TRRAP: variants seen among roughly 807,000 people sequenced by gnomAD.
TRRAP encodes transformation/transcription domain-associated protein.
A neutral mutation model predicts 438.8 loss-of-function variants in TRRAP; 41 were observed. The ratio of observed to expected loss-of-function variants is 0.09; its 90% CI spans 0.07 to 0.12. The LOEUF (loss-of-function observed/expected upper bound fraction) is 0.12, where lower values mean the gene tolerates loss of function less well. Among genes scored for constraint, TRRAP ranks in the 10% least tolerant of loss-of-function variants. The pLI is 1.00. For synonymous variants in TRRAP, 1,994 were observed against 1,962.9 expected (o/e 1.02, Z -0.42); for missense variants, 3,122 against 5,055.1 (o/e 0.62, Z 11.60).
intron 27 of TRRAP, among the ~76,000 whole-genome samples, chr7:98,935,018 G>A (rs141311658): frequency 1.3e-3 from 201 of 152,208 alleles, no homozygotes; most frequent in African/African-American, 4.2e-3. Context: ...GATAGAGCAC[G>A]ATATCTGTTA....
At chr7:99,008,034 C>T (rs1224785441) in intron 69 of TRRAP, among the ~76,000 whole-genome samples, 1 of 151,884 alleles carries the variant, frequency 6.6e-6, no homozygotes, top group Admixed American at 6.6e-5. Flanking sequence ...CCATGTTGAC[C>T]AGGATGGTCT....
At chr7:98,963,477 T>A (rs1164884785) in intron 47 of TRRAP, among the ~76,000 whole-genome samples, 1 of 152,124 alleles carries the variant, frequency 6.6e-6, no homozygotes, top group Non-Finnish European at 1.5e-5. Context: ...CCCTCCTCTG[T>A]GGGGTGTCGA....
chr7:99,007,787 T>G (rs1794249224), intron 69 of TRRAP, among the ~76,000 whole-genome samples: 1 of 151,976 alleles, frequency 6.6e-6, no homozygotes, highest in Admixed American at 6.6e-5. Flanking sequence ...TAGCTGGGAC[T>G]ATAGGCTATC....
At chr7:99,009,370 G>A (rs534592282) in intron 70 of TRRAP, among the ~76,000 whole-genome samples, 1 of 151,904 alleles carries the variant, frequency 6.6e-6, no homozygotes, top group Admixed American at 6.6e-5. Flanking sequence ...GGCTCCTGGA[G>A]GACTTAGTTT....
Position 98,984,964 on chromosome 7 carries a change from T to C in TRRAP, c.9309T>C (p.Ser3103=), listed in dbSNP as rs748049648. ...AACAGGGCCTTGAAGTTATTGAATC[T>C]ACAAATTTAAAATACTTCACAAAAG... ...ECMQGLEVIE[S]TNLKYFTKEM... The change falls in exon 62 of 73, where the codon TCT becomes TCC. Residue 3103 remains serine, a synonymous_variant. Coordinates refer to ENST00000456197, the MANE Select transcript of TRRAP (RefSeq NM_001375524.1). 3.7e-6 allele frequency: 6 copies of C among 1,612,572 alleles called. No individual in the cohort carries two copies. The South Asian group carries it at 6.6e-5, about 18-fold the overall frequency.
chr7:98,896,917 A>C (rs1393474520), intron 7 of TRRAP, among the ~76,000 whole-genome samples: 1 of 149,868 alleles, frequency 6.7e-6, no homozygotes, highest in Non-Finnish European at 1.5e-5. Context: ...GAAGGTTGGC[A>C]GTGAGGTCCT....
At chr7:98,929,755 G>A (rs1373047435) in intron 23 of TRRAP, among the ~76,000 whole-genome samples, 2 of 151,972 alleles carry the variant, frequency 1.3e-5, no homozygotes, top group Non-Finnish European at 2.9e-5. Flanking sequence ...CACCATGCCT[G>A]GCTAATTTTT....
chr7:98,935,703 A>T, intron 28 of TRRAP, 28 bp downstream of exon 28: 1 of 1,564,052 alleles, frequency 6.4e-7, no homozygotes. Context: ...TACGGGGTAT[A>T]AAAGTGAAAG....
At chr7:98,951,477 T>C (rs782705693) in intron 39 of TRRAP, among the ~76,000 whole-genome samples, 1 of 152,126 alleles carries the variant, frequency 6.6e-6, no homozygotes. Flanking sequence ...TGAAATGAGC[T>C]CGGTTTTAAT....
At chr7:99,002,042 G>A (rs139149497) in intron 67 of TRRAP, among the ~76,000 whole-genome samples, 110 of 150,470 alleles carry the variant, frequency 7.3e-4, no homozygotes, top group African/African-American at 2.6e-3. Context: ...GTGTACTGAG[G>A]GATTCTTAAT....
intron 70 of TRRAP, 51 bp downstream of exon 70, chr7:99,008,612 T>C (rs1794298343): frequency 6.3e-7 from 1 of 1,591,024 alleles, no homozygotes. Context: ...AGCCCTCCTG[T>C]GTGGGGCAGT....
chr7:98,984,117 G>T lies in TRRAP; in HGVS notation c.9047G>T (p.Ser3016Ile), dbSNP rs1338911451. The change falls in exon 61 of 73, where the codon AGC (serine) becomes ATC (isoleucine). Residue 3016 changes from serine (S) to isoleucine (I), a missense_variant. Around this residue, in one of 24 missense-constraint regions of TRRAP, gnomAD observed 129 missense variants for 279.2 expected, o/e 0.46. Coordinates refer to ENST00000456197, the MANE Select transcript of TRRAP (RefSeq NM_001375524.1). ...GCGATTGTAACTGCCTATGAGAATA[G>T]CTCTCAGCATGATCCCAGTTCAAAT... Reference protein sequence around the residue: ...YQAIVTAYENSSQHDPSSNNA... With the variant: ...YQAIVTAYENISQHDPSSNNA... 2 of 1,611,866 alleles carry T rather than the reference G, an allele frequency of 1.2e-6. No homozygotes were observed. The highest frequency in any genetic ancestry group is 2.2e-5 in the East Asian group (1 of 44,844).
chr7:98,894,783 G>GTTTTTTTTT (rs56407045), intron 6 of TRRAP, among the ~76,000 whole-genome samples: 1,527 of 87,486 alleles, frequency 0.017, 2 homozygotes, highest in African/African-American at 0.04. Flanking sequence ...CCAGCTAATG[G>GTTTTTTTTT]TTTTTTTTTT....
chr7:99,001,687 TTGTC>T (rs1464099893), intron 67 of TRRAP, among the ~76,000 whole-genome samples: 2 of 152,276 alleles, frequency 1.3e-5, no homozygotes, highest in African/African-American at 2.4e-5. Flanking sequence ...TTCTGTCTCT[TTGTC>T]TGTGTTCCGT....
chr7:98,988,434 G>A (rs1033616756), intron 62 of TRRAP, among the ~76,000 whole-genome samples: 2 of 152,232 alleles, frequency 1.3e-5, no homozygotes, highest in Non-Finnish European at 2.9e-5. Flanking sequence ...TTGTTAAAGA[G>A]AATGAAGCAC....
chr7:98,962,158 G>T, intron 46 of TRRAP, 144 bp from the exon 47 acceptor site: 2 of 1,214,264 alleles, frequency 1.6e-6, no homozygotes, highest in Non-Finnish European at 2.3e-6. Context: ...CAGCCCAGAG[G>T]TGAGGCCCAC....
At chr7:98,972,525 T>G (rs1309817086) in intron 53 of TRRAP, among the ~76,000 whole-genome samples, 2 of 152,224 alleles carry the variant, frequency 1.3e-5, no homozygotes, top group African/African-American at 2.4e-5. Flanking sequence ...TCAAGCCCAC[T>G]TTGTGGAACT....
rs1793563999 is a variant in TRRAP at position 98,994,475 on chromosome 7, G to T, written c.10048-112G>T. On this transcript the variant is annotated intron_variant, in intron 66 of 72. Transcript: ENST00000456197. The surrounding 1 kb of genome is among the most constrained non-coding windows in gnomAD (Gnocchi z 4.8). ...CCTGCTGTGTGTGGGTCCTGCCGGG[G>T]AGTGCAGAGATGACCCTGGGCTGGG... The T allele has an allele frequency of 7.5e-6, 11 of 1,457,936 alleles. No homozygotes were observed. The highest frequency in any genetic ancestry group is 9.4e-6 in the Non-Finnish European group (10 of 1,066,628). 90.3% of individuals were successfully genotyped at this position (1,457,936 alleles called of 1,614,324 possible).
At chr7:98,885,324 C>T (rs879979206) in intron 3 of TRRAP, among the ~76,000 whole-genome samples, 6 of 151,914 alleles carry the variant, frequency 3.9e-5, no homozygotes, top group Non-Finnish European at 8.8e-5. Context: ...TCAAGCGATC[C>T]TCCTGCTTTG....
Sources: gnomAD v4.1 joint callset for allele counts (sites outside exome capture counted in the v4.1 genomes callset) on GRCh38, gnomAD v4.1.1 for gene constraint, gnomAD v4.1.1 regional missense constraint, Gnocchi (gnomAD v3.1) non-coding constraint, MANE v1.5 for transcripts, NCBI Gene and HGNC (gene_info 2026-07-23, HGNC 2026-07-21) for gene names.